Variants in LIMS1 observed in about 807,000 individuals in gnomAD.
LIMS1 encodes LIM zinc finger domain containing 1, also known as LIM and senescent cell antigen-like-containing domain protein 1.
A neutral mutation model predicts 44.1 loss-of-function variants in LIMS1; 18 were observed. The ratio of observed to expected loss-of-function variants is 0.41; its 90% confidence interval spans 0.28 to 0.61. The LOEUF is 0.61. LIMS1 is among the 20% of genes least tolerant of loss of function. The probability of loss-of-function intolerance (pLI) is 0.32; values close to 1 mark genes in which losing one functional copy is unlikely to be tolerated. For synonymous variants in LIMS1, 93 were observed against 149.1 expected (o/e 0.62, Z 2.74); for missense variants, 201 against 422.0 (o/e 0.48, Z 4.59).
chr2:108,583,639 C>A (rs997546701), intron 1 of LIMS1, among the ~76,000 whole-genome samples: 1 of 150,862 alleles, frequency 6.6e-6, no homozygotes, highest in Admixed American at 6.6e-5. Context: ...AAATAAAGAT[C>A]TATGTCCATT....
chr2:108,592,568 C>T (rs1686462400), intron 1 of LIMS1, among the ~76,000 whole-genome samples: 1 of 152,158 alleles, frequency 6.6e-6, no homozygotes, highest in African/African-American at 2.4e-5. Flanking sequence ...GACATTTAGA[C>T]TACCAAGTTC....
At chr2:108,634,716 G>A (rs1325597696) in intron 1 of LIMS1, among the ~76,000 whole-genome samples, 1 of 152,232 alleles carries the variant, frequency 6.6e-6, no homozygotes, top group Non-Finnish European at 1.5e-5. Context: ...TATTGTGGGA[G>A]TGATGTGACA....
rs376999736 is a variant in LIMS1, at chr2:108,541,715, C to T, written c.32+7121C>T. Reference sequence around the variant, plus strand: ...TTCTGAAAATGATGATTTCCTGCCTCAGTGCTGTTCATGCCCTTCTCTGGG... The same window carrying T: ...TTCTGAAAATGATGATTTCCTGCCTTAGTGCTGTTCATGCCCTTCTCTGGG... On this transcript the variant is annotated intron_variant, in intron 1 of 9. Transcript: ENST00000544547. Among the ~76,000 whole-genome samples the T allele has an allele frequency of 1.2e-4, 19 of 152,300 alleles. No individual in the cohort carries two copies. In the East Asian group the frequency reaches 1.7e-3, roughly 14 times the overall value.
intron 1 of LIMS1, among the ~76,000 whole-genome samples, chr2:108,619,368 T>A (rs1392566423): frequency 6.6e-6 from 1 of 151,926 alleles, no homozygotes; most frequent in Non-Finnish European, 1.5e-5. Flanking sequence ...TTCTTTTTTT[T>A]TTTTTTTAAC....
chr2:108,671,013 A>T (rs547463715), intron 3 of LIMS1, 166 bp downstream of exon 3: 739 of 954,204 alleles, frequency 7.7e-4, no homozygotes, highest in Non-Finnish European at 1.1e-3. Flanking sequence ...TCTACTAAAA[A>T]TACAAAAATT....
At chr2:108,608,593 C>T (rs549873043) in intron 1 of LIMS1, among the ~76,000 whole-genome samples, 274 of 152,294 alleles carry the variant, frequency 1.8e-3, no homozygotes, top group African/African-American at 6.0e-3. Flanking sequence ...CGTGAGCCAC[C>T]GCGCCCGGCC....
chr2:108,579,023 A>G (rs1685785318), intron 1 of LIMS1, among the ~76,000 whole-genome samples: 1 of 152,192 alleles, frequency 6.6e-6, no homozygotes, highest in Non-Finnish European at 1.5e-5. Flanking sequence ...ATTATCCTAT[A>G]TCACTTTTTG....
intron 1 of LIMS1, among the ~76,000 whole-genome samples, chr2:108,650,274 C>T (rs920701981): frequency 4.6e-5 from 7 of 152,140 alleles, no homozygotes; most frequent in Admixed American, 1.3e-4. Flanking sequence ...GGTGTTTATT[C>T]GGAATTAAAC....
chr2:108,546,105 A>G (rs1318898313), intron 1 of LIMS1, among the ~76,000 whole-genome samples: 1 of 152,168 alleles, frequency 6.6e-6, no homozygotes, highest in Non-Finnish European at 1.5e-5. Flanking sequence ...TCACTTTAGT[A>G]TAATACTGGT....
chr2:108,669,405 G>GA (rs111827506), intron 2 of LIMS1, among the ~76,000 whole-genome samples: 105 of 145,290 alleles, frequency 7.2e-4, no homozygotes, highest in African/African-American at 1.6e-3. Flanking sequence ...GAGACTCTGG[G>GA]AAAAAAAAAA....
chr2:108,548,289 G>GT (rs57214419), intron 1 of LIMS1, among the ~76,000 whole-genome samples: 97 of 146,816 alleles, frequency 6.6e-4, no homozygotes, highest in African/African-American at 7.3e-4. Flanking sequence ...TTTGGGTTTT[G>GT]TTTTTTTTTT....
intron 2 of LIMS1, among the ~76,000 whole-genome samples, chr2:108,661,995 C>CT (rs946245656): frequency 1.3e-5 from 2 of 152,124 alleles, no homozygotes; most frequent in African/African-American, 4.8e-5. Flanking sequence ...ATACAATATT[C>CT]TTTCCCTTAC....
At chr2:108,574,788 T>C (rs1369585512) in intron 1 of LIMS1, among the ~76,000 whole-genome samples, 1 of 152,190 alleles carries the variant, frequency 6.6e-6, no homozygotes, top group Non-Finnish European at 1.5e-5. Flanking sequence ...CTGTCCCTGA[T>C]TGCTGCTACC....
chr2:108,646,972 C>A (rs201986611), intron 1 of LIMS1, among the ~76,000 whole-genome samples: 1 of 152,174 alleles, frequency 6.6e-6, no homozygotes, highest in Non-Finnish European at 1.5e-5. Flanking sequence ...CCGCCCGCCT[C>A]GGCCTCCCAA....
intron 1 of LIMS1, among the ~76,000 whole-genome samples, chr2:108,536,490 C>T (rs1684147205): frequency 6.6e-6 from 1 of 152,186 alleles, no homozygotes; most frequent in Non-Finnish European, 1.5e-5. Flanking sequence ...TATGGATGTA[C>T]AGCAGTTTAA....
chr2:108,656,614 G>C (rs1317604842), intron 1 of LIMS1, among the ~76,000 whole-genome samples: 1 of 150,788 alleles, frequency 6.6e-6, no homozygotes, highest in Admixed American at 6.6e-5. Flanking sequence ...TGATTGTTCT[G>C]TTTCCTTTTT....
intron 2 of LIMS1, among the ~76,000 whole-genome samples, chr2:108,669,974 C>T (rs1028344884): frequency 1.3e-5 from 2 of 151,994 alleles, no homozygotes; most frequent in Non-Finnish European, 2.9e-5. Flanking sequence ...TAAATGTTAA[C>T]CTTTACAGCC....
chr2:108,667,357 G>A (rs752377622), intron 2 of LIMS1, among the ~76,000 whole-genome samples: 12 of 152,066 alleles, frequency 7.9e-5, no homozygotes, highest in Non-Finnish European at 1.3e-4. Context: ...GAGGCCCTAA[G>A]AGGTTAAGCA....
intron 1 of LIMS1, among the ~76,000 whole-genome samples, chr2:108,625,039 G>A (rs909262215): frequency 2.0e-5 from 3 of 152,174 alleles, no homozygotes; most frequent in South Asian, 2.1e-4. Context: ...AGATCACGCC[G>A]TTGCACTGCA....
Sources: gnomAD v4.1 joint callset for allele counts (sites outside exome capture counted in the v4.1 genomes callset) on GRCh38, gnomAD v4.1.1 for gene constraint, MANE v1.5 for transcripts, NCBI Gene and HGNC (gene_info 2026-07-23, HGNC 2026-07-21) for gene names.